CDH18: variants seen among roughly 807,000 people sequenced by gnomAD.
The protein encoded by CDH18 is cadherin 18, also known as cadherin-18.
In CDH18, 31 loss-of-function variants were observed where a neutral mutation model predicts 67.9. That is an observed-to-expected ratio of 0.46 (90% confidence interval 0.34 to 0.62). The LOEUF is 0.62. Among genes scored for constraint, CDH18 ranks in the 20% least tolerant of loss-of-function variants. The probability of loss-of-function intolerance (pLI) is 0.01; values close to 1 mark genes in which losing one functional copy is unlikely to be tolerated. For synonymous variants in CDH18, 362 were observed against 347.2 expected (o/e 1.04, Z -0.48); for missense variants, 890 against 975.5 (o/e 0.91, Z 1.17).
At chr5:19,708,680 G>A (rs1043019167) in intron 5 of CDH18, among the ~76,000 whole-genome samples, 1 of 152,308 alleles carries the variant, frequency 6.6e-6, no homozygotes, top group Non-Finnish European at 1.5e-5. Flanking sequence ...AGCGATCTGT[G>A]CCTTAAGAAC....
chr5:19,939,786 C>T (rs1447008627), intron 2 of CDH18, among the ~76,000 whole-genome samples: 1 of 151,688 alleles, frequency 6.6e-6, no homozygotes, highest in Non-Finnish European at 1.5e-5. Context: ...AAATTGAGAA[C>T]TCAATAATAG....
chr5:20,016,816 T>C (rs564929173), intron 2 of CDH18, among the ~76,000 whole-genome samples: 4 of 152,302 alleles, frequency 2.6e-5, no homozygotes, highest in East Asian at 1.9e-4. Context: ...TAGTGCAGGT[T>C]TGTCACTATG....
At position 19,516,936 on chromosome 5, in the gene CDH18, T is replaced by G. The variant is rs35248980; in HGVS notation, c.1512+3721A>C. The stretch of plus-strand genomic sequence containing the variant: ...GGGTTTTTTATAAATAAAACTGCTA[T>G]AAATAATTGTGCACATTTTGTTGTA... On this transcript the variant is annotated intron_variant, in intron 10 of 12. Transcript: ENST00000382275. 9.5e-3 allele frequency among the ~76,000 whole-genome samples: 1,445 copies of G among 152,280 alleles called. 13 individuals carry two copies. Among genetic ancestry groups the G allele is most frequent in the Middle Eastern group, 0.048 (14 of 294 alleles).
intron 5 of CDH18, among the ~76,000 whole-genome samples, chr5:19,697,445 T>C (rs1007832657): frequency 6.6e-6 from 1 of 152,182 alleles, no homozygotes; most frequent in Admixed American, 6.5e-5. Context: ...AAGTGGTTTA[T>C]ATTTGAATAC....
chr5:20,181,397 C>T (rs940601554), intron 2 of CDH18, among the ~76,000 whole-genome samples: 1 of 152,020 alleles, frequency 6.6e-6, no homozygotes, highest in African/African-American at 2.4e-5. Context: ...GGAGGATGCA[C>T]TAATAGGCCT....
chr5:20,296,844 C>T (rs1281335535), intron 1 of CDH18, among the ~76,000 whole-genome samples: 1 of 151,632 alleles, frequency 6.6e-6, no homozygotes, highest in Non-Finnish European at 1.5e-5. Flanking sequence ...TTTCGATATT[C>T]ACTATTTTGC....
intron 5 of CDH18, among the ~76,000 whole-genome samples, chr5:19,656,750 G>C (rs1756464105): frequency 6.6e-6 from 1 of 152,066 alleles, no homozygotes; most frequent in Non-Finnish European, 1.5e-5. Context: ...TATACATAGA[G>C]TAACAATTGA....
chr5:20,405,264 G>A (rs1011180659), intron 1 of CDH18, among the ~76,000 whole-genome samples: 6 of 152,110 alleles, frequency 3.9e-5, no homozygotes, highest in South Asian at 4.1e-4. Context: ...ACAGAACAGA[G>A]CCTTCAGAAA....
At chr5:19,973,142 A>T (rs1378095230) in intron 2 of CDH18, among the ~76,000 whole-genome samples, 2 of 152,154 alleles carry the variant, frequency 1.3e-5, no homozygotes, top group Non-Finnish European at 2.9e-5. Flanking sequence ...GGATGCTTTT[A>T]ACAAAAGTAA....
chr5:19,481,255 G>A (rs912226264), intron 12 of CDH18, among the ~76,000 whole-genome samples: 1 of 152,106 alleles, frequency 6.6e-6, no homozygotes, highest in Non-Finnish European at 1.5e-5. Flanking sequence ...CTTGAATGAA[G>A]TGGACTTCCA....
chr5:20,080,668 A>G (rs1257965070), intron 2 of CDH18, among the ~76,000 whole-genome samples: 1 of 152,196 alleles, frequency 6.6e-6, no homozygotes, highest in Non-Finnish European at 1.5e-5. Context: ...TGAAAGTAGT[A>G]AAACAAACTA....
At chr5:19,716,204 C>T (rs781778837) in intron 5 of CDH18, among the ~76,000 whole-genome samples, 2 of 151,960 alleles carry the variant, frequency 1.3e-5, no homozygotes, top group Non-Finnish European at 2.9e-5. Flanking sequence ...CCTCATTTTC[C>T]CATGGGATTT....
At chr5:19,515,983 G>A (rs1257650718) in intron 10 of CDH18, among the ~76,000 whole-genome samples, 1 of 152,092 alleles carries the variant, frequency 6.6e-6, no homozygotes, top group African/African-American at 2.4e-5. Context: ...TTGGCTGTGG[G>A]TTTGTCATAC....
Position 19,507,050 on chromosome 5 carries a change from A to G in CDH18, c.1513-3941T>C, listed in dbSNP as rs1304815664. Among the ~76,000 whole-genome samples the G allele has an allele frequency of 3.3e-5, 5 of 152,212 alleles. No individual in the cohort carries two copies. The East Asian group carries it at 7.7e-4, about 23-fold the overall frequency. ...CAGAATCTACAATGAACTCAAACAA[A>G]TTTACAAGAAAAAAGCAAACAACCC... On this transcript the variant is annotated intron_variant, in intron 10 of 12. Transcript: ENST00000382275.
intron 2 of CDH18, among the ~76,000 whole-genome samples, chr5:20,202,858 G>A (rs1739559902): frequency 6.6e-6 from 1 of 151,954 alleles, no homozygotes; most frequent in South Asian, 2.1e-4. Flanking sequence ...GAGACTGGGA[G>A]TTTCTTGCAA....
chr5:19,856,844 T>C (rs1784341254), intron 2 of CDH18, among the ~76,000 whole-genome samples: 1 of 152,180 alleles, frequency 6.6e-6, no homozygotes, highest in Non-Finnish European at 1.5e-5. Context: ...TCTTTGGTAT[T>C]TGTTATGGCA....
chr5:20,526,541 G>A lies in CDH18; in HGVS notation c.-580+48921C>T, dbSNP rs372349010. On this transcript the variant is annotated intron_variant, in intron 1 of 14. Transcript: ENST00000507958. ...CACTAGGTCAGTGCCCCTCTGGGAC[G>A]AAGCTTCCGGAGGAAGGAGCAGGGA... Among the ~76,000 whole-genome samples, 4 of 152,058 alleles carry A rather than the reference G, an allele frequency of 2.6e-5. No individual in the cohort carries two copies. The East Asian group carries it at 5.8e-4, about 22-fold the overall frequency.
At chr5:20,088,041 G>A (rs1012522636) in intron 2 of CDH18, among the ~76,000 whole-genome samples, 3 of 152,176 alleles carry the variant, frequency 2.0e-5, no homozygotes, top group African/African-American at 7.2e-5. Flanking sequence ...TTCTAACAAT[G>A]TATGGGCAAG....
intron 5 of CDH18, among the ~76,000 whole-genome samples, chr5:19,643,064 T>C (rs1279568489): frequency 2.0e-5 from 3 of 152,054 alleles, no homozygotes; most frequent in Admixed American, 2.0e-4. Flanking sequence ...GAGAAATTGC[T>C]ACCAGATTAA....
Sources: gnomAD v4.1 joint callset for allele counts (sites outside exome capture counted in the v4.1 genomes callset) on GRCh38, gnomAD v4.1.1 for gene constraint, MANE v1.5 for transcripts, NCBI Gene and HGNC (gene_info 2026-07-23, HGNC 2026-07-21) for gene names.